The following GREB1 variants were observed in gnomAD, a reference collection of about 807,000 sequenced individuals.
The protein encoded by GREB1 is growth regulating estrogen receptor binding 1, also known as protein GREB1.
Under a neutral mutation model 200.7 loss-of-function variants are expected in GREB1, and 106 were observed. The ratio of observed to expected loss-of-function variants is 0.53; its 90% CI spans 0.45 to 0.62. GREB1 has a LOEUF of 0.62. GREB1 is among the 20% of genes least tolerant of loss of function. The pLI is 0.00. For missense variants in GREB1, 2,243 were observed against 2,556.8 expected, an observed-to-expected ratio of 0.88 and a Z score of 2.65; for synonymous variants, 1,132 against 1,092.4, an observed-to-expected ratio of 1.04 and a Z score of -0.72.
Position 11,633,069 on chromosome 2 carries a change from G to A in GREB1, c.4991+6G>A. ...TCTGCTGGGGAGAGAAGCAGGTGAG[G>A]TAACCTGAGAGCACCACCTCCTGCC... is the stretch of plus-strand genomic sequence containing the variant. On this transcript the variant is annotated splice_donor_region_variant and intron_variant, in intron 28 of 32. Transcript: ENST00000381486. This position sits in a 1 kb window ranked among gnomAD's most constrained non-coding sequence, Gnocchi z 4.1. 6.2e-7 allele frequency: 1 copy of A among 1,613,758 alleles called. No individual in the cohort carries two copies. Among genetic ancestry groups the A allele is most frequent in the Non-Finnish European group, 8.5e-7 (1 of 1,179,772 alleles).
intron 2 of GREB1, 145 bp downstream of exon 2, chr2:11,556,916 A>G (rs1676485758): frequency 1.1e-5 from 7 of 635,424 alleles, no homozygotes; most frequent in Non-Finnish European, 1.5e-5. Flanking sequence ...ACTGGGTACA[A>G]GTTCTTACTT....
At chr2:11,616,082 C>T (rs530965955) in intron 20 of GREB1, among the ~76,000 whole-genome samples, 6 of 152,376 alleles carry the variant, frequency 3.9e-5, no homozygotes, top group African/African-American at 1.4e-4. Context: ...TGCTGCACGT[C>T]TCCGTGCTCC....
intron 1 of GREB1, among the ~76,000 whole-genome samples, chr2:11,495,577 A>G (rs1672862238): frequency 6.6e-6 from 1 of 152,094 alleles, no homozygotes. Context: ...TAACTCACTC[A>G]ATCCTCATGA....
intron 1 of GREB1, among the ~76,000 whole-genome samples, chr2:11,513,188 A>G (rs1261292875): frequency 6.6e-6 from 1 of 152,148 alleles, no homozygotes; most frequent in African/African-American, 2.4e-5. Context: ...AAATCTGTCT[A>G]TCCTCTTTAT....
At chr2:11,541,861 C>T (rs185000483) in intron 1 of GREB1, among the ~76,000 whole-genome samples, 4 of 152,264 alleles carry the variant, frequency 2.6e-5, no homozygotes, top group Admixed American at 6.5e-5. Flanking sequence ...ATAGGTGTCT[C>T]GCCCTTGGGT....
Position 11,602,504 on chromosome 2 carries a change from T to C in GREB1, c.2628T>C (p.Asp876=), listed in dbSNP as rs1681872914. Reference sequence around the variant, plus strand: ...ACAGCCTCCCCTTGCTCAGATACGATAGCTCCTTTGAGGCCATGGTCACTG... The same window carrying C: ...ACAGCCTCCCCTTGCTCAGATACGACAGCTCCTTTGAGGCCATGGTCACTG... ...SGHSLPLLRY[D]SSFEAMVTAL... Residue 876 remains aspartate, a synonymous_variant, in exon 17 of 33, where the codon GAT becomes GAC. Coordinates refer to ENST00000381486, the MANE Select transcript of GREB1 (RefSeq NM_014668.4). 5.0e-6 allele frequency: 8 copies of C among 1,613,842 alleles called. No individual in the cohort carries two copies. The highest frequency in any genetic ancestry group is 6.8e-6 in the Non-Finnish European group (8 of 1,179,662).
intron 13 of GREB1, among the ~76,000 whole-genome samples, 167 bp downstream of exon 13, chr2:11,596,406 G>A (rs1681210358): frequency 7.2e-6 from 1 of 139,722 alleles, no homozygotes; most frequent in African/African-American, 2.7e-5. Context: ...GGGCACAGGT[G>A]TGTACAGTGA....
At chr2:11,552,755 T>C (rs997521054) in intron 1 of GREB1, among the ~76,000 whole-genome samples, 8 of 152,014 alleles carry the variant, frequency 5.3e-5, no homozygotes, top group African/African-American at 1.9e-4. Flanking sequence ...CTCACGCCTG[T>C]AATCCCAGCA....
At chr2:11,564,344 AGT>A (rs1441212144) in intron 3 of GREB1, among the ~76,000 whole-genome samples, 1 of 151,232 alleles carries the variant, frequency 6.6e-6, no homozygotes, top group East Asian at 1.9e-4. Context: ...TAGGACTTAT[AGT>A]GTCCAAATAT....
intron 1 of GREB1, chr2:11,539,744 C>A (rs937026924): frequency 4.6e-5 from 7 of 152,102 alleles, no homozygotes; most frequent in African/African-American, 1.7e-4. Context: ...TGCCATCTGA[C>A]CCGGCAGGCG....
At chr2:11,609,242 T>TTTATTTTATTTA (rs1553374319) in intron 17 of GREB1, among the ~76,000 whole-genome samples, 1 of 136,878 alleles carries the variant, frequency 7.3e-6, no homozygotes, top group South Asian at 2.4e-4. Flanking sequence ...GGCATTATTA[T>TTTATTTTATTTA]TTTATTTATT....
At chr2:11,589,863 A>T (rs923552838) in intron 10 of GREB1, among the ~76,000 whole-genome samples, 1 of 152,124 alleles carries the variant, frequency 6.6e-6, no homozygotes, top group Non-Finnish European at 1.5e-5. Context: ...GGTGGCAATG[A>T]ACCTGAGTTC....
In GREB1 at chr2:11,597,805, T is replaced by A; in HGVS notation, c.1979T>A (p.Ile660Asn). 1.2e-6 allele frequency: 2 copies of A among 1,614,218 alleles called. No individual in the cohort carries two copies. Among genetic ancestry groups the A allele is most frequent in the Non-Finnish European group, 1.7e-6 (2 of 1,180,040 alleles). The change falls in exon 14 of 33, where the codon ATC (isoleucine) becomes AAC (asparagine). Residue 660 changes from isoleucine to asparagine, a missense_variant. Coordinates refer to ENST00000381486, the MANE Select transcript of GREB1 (RefSeq NM_014668.4). The surrounding 1 kb of genome is among the most constrained non-coding windows in gnomAD (Gnocchi z 4.1). ...CTSYNLEPHS[I>N]RPFQLAVAQK... ...GGTTACAATCTGGAGCCACACAGCA[T>A]CCGGCCCTTCCAGCTGGCAGTAGCG...
At chr2:11,590,947 A>G (rs1036017203) in intron 10 of GREB1, among the ~76,000 whole-genome samples, 2 of 152,158 alleles carry the variant, frequency 1.3e-5, no homozygotes, top group East Asian at 3.9e-4. Context: ...GACCCTGACC[A>G]TTGGGTTTGG....
chr2:11,619,848 G>A (rs1434364089), intron 22 of GREB1, among the ~76,000 whole-genome samples: 1 of 152,202 alleles, frequency 6.6e-6, no homozygotes, highest in Non-Finnish European at 1.5e-5. Context: ...AAGCTTCCCT[G>A]TGGTTGGGTG....
At chr2:11,507,337 A>C in intron 1 of GREB1, among the ~76,000 whole-genome samples, 1 of 142,312 alleles carries the variant, frequency 7.0e-6, no homozygotes, top group Non-Finnish European at 1.5e-5. Flanking sequence ...TGAACCCGGG[A>C]GGCAGAGGTT....
intron 1 of GREB1, among the ~76,000 whole-genome samples, chr2:11,513,541 T>G (rs1673407357): frequency 6.6e-6 from 1 of 152,242 alleles, no homozygotes; most frequent in Non-Finnish European, 1.5e-5. Flanking sequence ...TTCCCTGATC[T>G]CCTTAGCTGG....
chr2:11,522,011 C>T (rs954072803), intron 1 of GREB1, among the ~76,000 whole-genome samples: 46 of 152,268 alleles, frequency 3.0e-4, no homozygotes, highest in African/African-American at 9.1e-4. Flanking sequence ...ACTCAAAATA[C>T]GGAGTTGTCT....
intron 26 of GREB1, 27 bp from the exon 27 acceptor site, chr2:11,631,882 C>G (rs753800228): frequency 6.4e-7 from 1 of 1,553,008 alleles, no homozygotes. Flanking sequence ...TACAAACACT[C>G]TACCTCATGA....
Sources: allele counts gnomAD v4.1 joint callset (sites outside exome capture counted in the v4.1 genomes callset), GRCh38; gene constraint gnomAD v4.1.1; non-coding constraint Gnocchi (gnomAD v3.1); transcripts MANE v1.5; gene names NCBI Gene and HGNC (gene_info 2026-07-23, HGNC 2026-07-21).